The following PCDH11X variants were observed in gnomAD, a reference collection of about 807,000 sequenced individuals.
PCDH11X encodes protocadherin-11 X-linked.
A neutral mutation model predicts 53.3 loss-of-function variants in PCDH11X; 18 were observed. That is an observed-to-expected ratio of 0.34 (90% CI 0.23 to 0.50). The LOEUF is 0.50. PCDH11X is among the 20% of genes least tolerant of loss of function. The pLI is 0.98. For synonymous variants in PCDH11X, 279 were observed against 393.3 expected (o/e 0.71, Z 3.44); for missense variants, 570 against 1,032.4 (o/e 0.55, Z 6.14).
intron 4 of PCDH11X, among the ~76,000 whole-genome samples, chrX:91,821,199 A>T (rs7051883): frequency 0.097 from 10,589 of 109,155 alleles, 1,528 homozygotes; most frequent in African/African-American, 0.35. Context: ...GTTTTTTCCA[A>T]TTCTGTGAAG....
intron 1 of PCDH11X, among the ~76,000 whole-genome samples, chrX:91,807,925 C>A (rs1446559442): frequency 1.9e-5 from 2 of 105,757 alleles, no homozygotes; most frequent in African/African-American, 3.4e-5. Context: ...TAACTTTAAC[C>A]CATTATTGGA....
At chrX:91,836,903 A>G (rs1189389476) in intron 5 of PCDH11X, among the ~76,000 whole-genome samples, 1 of 110,860 alleles carries the variant, frequency 9.0e-6, no homozygotes, top group Non-Finnish European at 1.9e-5. Flanking sequence ...ATAAAGAGAA[A>G]TAGATAACTC....
At chrX:92,059,762 A>G (rs1328045065) in intron 6 of PCDH11X, among the ~76,000 whole-genome samples, 2 of 110,850 alleles carry the variant, frequency 1.8e-5, no homozygotes, top group Non-Finnish European at 1.9e-5. Flanking sequence ...TTTTGATCCT[A>G]GAATTACAGT....
chrX:91,879,950 A>G, intron 6 of PCDH11X: 2 of 703,507 alleles, frequency 2.8e-6, no homozygotes, highest in South Asian at 7.4e-5. Context: ...AGCTATTTAA[A>G]TATTTGCATA....
At chrX:91,929,054 T>C (rs1372335511) in intron 6 of PCDH11X, among the ~76,000 whole-genome samples, 1 of 111,163 alleles carries the variant, frequency 9.0e-6, no homozygotes, top group Non-Finnish European at 1.9e-5. Flanking sequence ...CTGAATCTGA[T>C]AAAATGGTGC....
At chrX:91,881,034 T>C (rs1353619354) in intron 6 of PCDH11X, among the ~76,000 whole-genome samples, 2 of 111,443 alleles carry the variant, frequency 1.8e-5, no homozygotes, top group Non-Finnish European at 3.8e-5. Context: ...AGATCATCAT[T>C]TTTAATAGAT....
intron 6 of PCDH11X, among the ~76,000 whole-genome samples, chrX:91,981,581 A>T (rs1046726522): frequency 3.6e-5 from 4 of 111,130 alleles, no homozygotes; most frequent in African/African-American, 1.3e-4. Flanking sequence ...CTTTTATACC[A>T]CTCTATTAGT....
intron 10 of PCDH11X, among the ~76,000 whole-genome samples, chrX:92,585,831 A>G (rs930914329): frequency 1.6e-4 from 17 of 108,999 alleles, no homozygotes; most frequent in African/African-American, 5.7e-4. Context: ...TGTACATTCT[A>G]TTTTAACTTT....
Position 91,906,303 on chromosome X carries a change from G to T in PCDH11X, c.3033+27030G>T, listed in dbSNP as rs556730863. Among the ~76,000 whole-genome samples the T allele has an allele frequency of 1.4e-3, 158 of 110,911 alleles. 3 individuals carry two copies. In the South Asian group the frequency reaches 0.06, roughly 42 times the overall value. On this transcript the variant is annotated intron_variant, in intron 6 of 10. Transcript: ENST00000682573. ...GCAATTATACACTGAGGATTCTTTA[G>T]CATCTTCCCATTTTGTTTTAATTTA...
chrX:92,375,166 A>ATTTTTTT (rs1230279822), intron 8 of PCDH11X, among the ~76,000 whole-genome samples: 1 of 8,262 alleles, frequency 1.2e-4, no homozygotes, highest in African/African-American at 6.2e-4. Context: ...ATATATATAT[A>ATTTTTTT]TTTTTTTTTT....
At chrX:92,261,005 A>G (rs1910088894) in intron 7 of PCDH11X, among the ~76,000 whole-genome samples, 1 of 111,687 alleles carries the variant, frequency 9.0e-6, no homozygotes, top group Admixed American at 9.5e-5. Context: ...AAATAAGAGT[A>G]TAAAAATCCA....
intron 10 of PCDH11X, among the ~76,000 whole-genome samples, chrX:92,484,159 GTATA>G (rs1254818169): frequency 4.8e-5 from 2 of 41,268 alleles, no homozygotes; most frequent in Non-Finnish European, 9.6e-5. Context: ...ATGTATATAT[GTATA>G]TATGTATATA....
chrX:92,231,018 A>G (rs1166639859), intron 7 of PCDH11X, among the ~76,000 whole-genome samples: 3 of 111,499 alleles, frequency 2.7e-5, no homozygotes, highest in Non-Finnish European at 5.6e-5. Context: ...AATTAGCAGT[A>G]AAATCACTGC....
intron 5 of PCDH11X, among the ~76,000 whole-genome samples, chrX:91,867,863 C>T (rs1939075873): frequency 9.0e-6 from 1 of 111,553 alleles, no homozygotes; most frequent in Non-Finnish European, 1.9e-5. Flanking sequence ...CTATGATTCC[C>T]AGTCCTTTGC....
intron 5 of PCDH11X, among the ~76,000 whole-genome samples, chrX:91,870,687 A>T (rs1025401574): frequency 1.1e-4 from 12 of 111,172 alleles, no homozygotes; most frequent in African/African-American, 3.9e-4. Flanking sequence ...AATTAACAAT[A>T]CTATTATTAA....
rs200576198 is a variant in PCDH11X, at chrX:91,791,518, G to A, written c.-379+11834G>A. Among the ~76,000 whole-genome samples, 122 of 108,440 alleles carry A rather than the reference G, an allele frequency of 1.1e-3. 1 individual carries two copies. The South Asian group carries it at 0.049, about 44-fold the overall frequency. The allele number at this position is 108,440 out of a possible 115,157, so 94.2% of individuals were successfully genotyped here. Reference sequence around the variant, plus strand: ...CAGCAAGGGGAAAATCCACCCCCATGATCCTATCACCTTCCACCAGGCCCC... The same window carrying A: ...CAGCAAGGGGAAAATCCACCCCCATAATCCTATCACCTTCCACCAGGCCCC... On this transcript the variant is annotated intron_variant, in intron 1 of 10. Coordinates refer to ENST00000682573, the MANE Select transcript of PCDH11X (RefSeq NM_032968.5).
chrX:92,172,863 T>C (rs1042649533), intron 6 of PCDH11X, among the ~76,000 whole-genome samples: 3 of 112,031 alleles, frequency 2.7e-5, no homozygotes, highest in African/African-American at 9.7e-5. Context: ...CTGGACACTG[T>C]ATAATTATTC....
At chrX:91,906,540 T>C (rs1318647307) in intron 6 of PCDH11X, among the ~76,000 whole-genome samples, 1 of 111,112 alleles carries the variant, frequency 9.0e-6, no homozygotes. Context: ...AGTTGAAGCC[T>C]AGCTATCTTT....
chrX:92,478,556 T>C (rs1292859656), intron 10 of PCDH11X, among the ~76,000 whole-genome samples: 1 of 111,345 alleles, frequency 9.0e-6, no homozygotes, highest in Non-Finnish European at 1.9e-5. Context: ...CCAGAGATTC[T>C]GCTATATTGT....
Sources: allele counts gnomAD v4.1 joint callset (sites outside exome capture counted in the v4.1 genomes callset), GRCh38; gene constraint gnomAD v4.1.1; transcripts MANE v1.5; gene names NCBI Gene and HGNC (gene_info 2026-07-23, HGNC 2026-07-21).